The following RELN variants were observed in gnomAD, a reference collection of about 807,000 sequenced individuals.
The protein encoded by RELN is reelin.
RELN carries 108 observed loss-of-function variants against 427.6 expected under a neutral mutation model. That is an observed-to-expected ratio of 0.25 (90% confidence interval 0.22 to 0.30). RELN has a LOEUF of 0.30. Among genes scored for constraint, RELN ranks in the 10% least tolerant of loss-of-function variants. RELN has a pLI of 1.00. For synonymous variants in RELN, 1,524 were observed against 1,513.4 expected (o/e 1.01, Z -0.16); for missense variants, 3,715 against 4,302.8 (o/e 0.86, Z 3.82).
Position 103,698,028 on chromosome 7 carries a change from T to G in RELN, c.968A>C (p.Asn323Thr). 6.2e-7 allele frequency: 1 copy of G among 1,613,836 alleles called. No homozygotes were observed. Among genetic ancestry groups the G allele is most frequent in the Non-Finnish European group, 8.5e-7 (1 of 1,179,828 alleles). The change falls in exon 10 of 65, where the codon AAT becomes ACT. Residue 323 changes from asparagine (N) to threonine (T), a missense_variant. Asn to Thr is a moderately conservative substitution (Grantham distance 65). Transcript: ENST00000428762. ...TTCCTGCTTCCACTGAAATTGGACA[T>G]TCTCCCCTTTGGCGTCCTCAGGAAG... The part of the protein sequence containing the change: ...LYLPEDAKGE[N>T]VQFQWKQENL...
At chr7:103,643,677 A>G (rs373314371) in intron 16 of RELN, among the ~76,000 whole-genome samples, 14 of 152,086 alleles carry the variant, frequency 9.2e-5, no homozygotes, top group Admixed American at 2.0e-4. Flanking sequence ...AGAAAATTCC[A>G]TCAGACTAAC....
In RELN at chr7:103,753,169, C is replaced by A. The variant is rs370642982; in HGVS notation, c.577+13G>T. ...GTACTAAAGTTAATGACATCAGAGT[C>A]TTAAACACTTACCTAGATGTGGGTG... On this transcript the variant is annotated intron_variant, in intron 5 of 64. Transcript: ENST00000428762. 6.2e-7 allele frequency: 1 copy of A among 1,613,582 alleles called. No homozygotes were observed. The highest frequency in any genetic ancestry group is 8.5e-7 in the Non-Finnish European group (1 of 1,179,732).
chr7:103,841,505 C>T (rs1272535257), intron 2 of RELN, among the ~76,000 whole-genome samples: 5 of 152,050 alleles, frequency 3.3e-5, no homozygotes, highest in Admixed American at 3.3e-4. Flanking sequence ...TAAAGTTGCC[C>T]CCACACTCTC....
chr7:103,562,825 T>C (rs533103826), intron 34 of RELN, among the ~76,000 whole-genome samples: 115 of 152,314 alleles, frequency 7.6e-4, no homozygotes, highest in African/African-American at 1.8e-3. Flanking sequence ...CCCCAACATA[T>C]GCACTGTCAA....
intron 2 of RELN, among the ~76,000 whole-genome samples, chr7:103,841,201 G>A (rs1415178140): frequency 6.6e-6 from 1 of 152,096 alleles, no homozygotes; most frequent in Non-Finnish European, 1.5e-5. Context: ...AGCATCCATT[G>A]TTACAAAATG....
chr7:103,861,909 T>C (rs1332078213), intron 2 of RELN, among the ~76,000 whole-genome samples: 1 of 152,158 alleles, frequency 6.6e-6, no homozygotes, highest in Non-Finnish European at 1.5e-5. Context: ...ACAGGGTTTA[T>C]TTTTTGGTTT....
intron 3 of RELN, among the ~76,000 whole-genome samples, chr7:103,786,766 C>T (rs935184236): frequency 6.6e-6 from 1 of 152,042 alleles, no homozygotes; most frequent in South Asian, 2.1e-4. Flanking sequence ...GACTTTAACA[C>T]CCGACTGTCG....
rs371679854 is a variant in RELN, at chr7:103,532,724, T to C, written c.7349+2592A>G. On this transcript the variant is annotated intron_variant, in intron 46 of 64. Transcript: ENST00000428762. Reference sequence around the variant, plus strand: ...GCTTGGAACACTCCTACCCTTACACTTTACCTGGTTAACTTGTATTCAACC... The same window carrying C: ...GCTTGGAACACTCCTACCCTTACACCTTACCTGGTTAACTTGTATTCAACC... Among the ~76,000 whole-genome samples, 25 of 152,288 alleles carry C rather than the reference T, an allele frequency of 1.6e-4. No homozygotes were observed. In the East Asian group the frequency reaches 3.7e-3, roughly 22 times the overall value.
chr7:103,877,540 C>T (rs1372745788), intron 2 of RELN, among the ~76,000 whole-genome samples: 1 of 152,140 alleles, frequency 6.6e-6, no homozygotes, highest in Non-Finnish European at 1.5e-5. Flanking sequence ...TTCTTTCTTT[C>T]CTGGATTACT....
intron 4 of RELN, among the ~76,000 whole-genome samples, chr7:103,754,471 G>A (rs1362274354): frequency 6.6e-6 from 1 of 151,868 alleles, no homozygotes; most frequent in Non-Finnish European, 1.5e-5. Context: ...CACTCAGAGA[G>A]AATGTAAGGT....
At chr7:103,473,332 G>A (rs1297121778) in intron 64 of RELN, among the ~76,000 whole-genome samples, 3 of 152,080 alleles carry the variant, frequency 2.0e-5, no homozygotes, top group African/African-American at 7.2e-5. Flanking sequence ...GGTTCCTTTA[G>A]CAAACATTCT....
chr7:103,802,687 A>C (rs1197307439), intron 3 of RELN, among the ~76,000 whole-genome samples: 1 of 152,146 alleles, frequency 6.6e-6, no homozygotes, highest in Non-Finnish European at 1.5e-5. Flanking sequence ...ATAAAATTGC[A>C]AGTCTCCTTA....
At chr7:103,798,953 C>T (rs1389635110) in intron 3 of RELN, among the ~76,000 whole-genome samples, 3 of 152,176 alleles carry the variant, frequency 2.0e-5, no homozygotes, top group African/African-American at 4.8e-5. Flanking sequence ...CAGTGACCCT[C>T]GGTCTTTGCC....
intron 58 of RELN, among the ~76,000 whole-genome samples, 181 bp downstream of exon 58, chr7:103,491,772 T>A (rs1828660529): frequency 1.3e-5 from 2 of 150,578 alleles, no homozygotes; most frequent in Admixed American, 1.3e-4. Flanking sequence ...GAGGTTGCGG[T>A]GAGCCGAGAT....
At chr7:103,543,498 T>C (rs978092574) in intron 42 of RELN, among the ~76,000 whole-genome samples, 1 of 151,848 alleles carries the variant, frequency 6.6e-6, no homozygotes, top group Non-Finnish European at 1.5e-5. Context: ...ATACAAAAAT[T>C]AGCTAGGTGT....
At chr7:103,633,517 T>C (rs933370205) in intron 19 of RELN, among the ~76,000 whole-genome samples, 2 of 151,532 alleles carry the variant, frequency 1.3e-5, no homozygotes, top group Admixed American at 1.3e-4. Context: ...TTTGCTACCA[T>C]TACCACGTTC....
intron 20 of RELN, among the ~76,000 whole-genome samples, chr7:103,615,498 A>G (rs1185036010): frequency 1.3e-5 from 2 of 152,172 alleles, no homozygotes; most frequent in East Asian, 1.9e-4. Flanking sequence ...AACCTTGCCT[A>G]CAACTCACAG....
chr7:103,887,576 C>T (rs1162173268), intron 2 of RELN, among the ~76,000 whole-genome samples: 7 of 152,198 alleles, frequency 4.6e-5, no homozygotes, highest in East Asian at 3.9e-4. Context: ...GGGTGTAACA[C>T]GATCATGATT....
intron 11 of RELN, among the ~76,000 whole-genome samples, chr7:103,677,938 T>A (rs891670109): frequency 6.6e-6 from 1 of 152,060 alleles, no homozygotes; most frequent in Non-Finnish European, 1.5e-5. Context: ...ATTGTCTACT[T>A]CCTTCCATCA....
Sources: allele counts gnomAD v4.1 joint callset (sites outside exome capture counted in the v4.1 genomes callset), GRCh38; gene constraint gnomAD v4.1.1; transcripts MANE v1.5; gene names NCBI Gene and HGNC (gene_info 2026-07-23, HGNC 2026-07-21).